The following SEMA3A variants were observed in gnomAD, a reference collection of about 807,000 sequenced individuals.
The protein encoded by SEMA3A is semaphorin-3A.
In SEMA3A, 29 loss-of-function variants were observed where a neutral mutation model predicts 97.9. The observed-to-expected ratio is 0.30, with a 90% CI of 0.22 to 0.40. The LOEUF (loss-of-function observed/expected upper bound fraction) is 0.40, where lower values mean the gene tolerates loss of function less well. Ranked by LOEUF, SEMA3A falls within the 10% of genes least tolerant of loss-of-function variation. The pLI, the probability that SEMA3A is intolerant of heterozygous loss-of-function variation, is 1.00. For synonymous variants in SEMA3A, 321 were observed against 323.7 expected (o/e 0.99, Z 0.09); for missense variants, 763 against 951.3 (o/e 0.80, Z 2.60).
chr7:83,982,397 TACA>T (rs1381388738), intron 13 of SEMA3A, among the ~76,000 whole-genome samples: 1 of 152,204 alleles, frequency 6.6e-6, no homozygotes, highest in Admixed American at 6.5e-5. Flanking sequence ...AGGATTTCAG[TACA>T]ACTTTTAAAA....
At position 84,071,911 on chromosome 7, in the gene SEMA3A, G is replaced by A. The variant is rs115240497; in HGVS notation, c.454-11353C>T. Among the ~76,000 whole-genome samples, 502 of 152,128 alleles carry A rather than the reference G, an allele frequency of 3.3e-3. 3 individuals are homozygous for A. The highest frequency in any genetic ancestry group is 0.011 in the African/African-American group (472 of 41,512). On this transcript the variant is annotated intron_variant, in intron 4 of 16. Coordinates refer to ENST00000265362, the MANE Select transcript of SEMA3A (RefSeq NM_006080.3). ...AGACTGTGGAAAAACTACATACAGG[G>A]AGTAGCAAAGACACATCCCAGGAAC...
intron 2 of SEMA3A, among the ~76,000 whole-genome samples, chr7:84,370,943 T>C (rs1349794258): frequency 3.3e-5 from 5 of 151,104 alleles, no homozygotes; most frequent in African/African-American, 1.2e-4. Flanking sequence ...GTTGAGTATC[T>C]AGTATACCAT....
intron 4 of SEMA3A, among the ~76,000 whole-genome samples, chr7:84,102,240 G>A (rs1794977539): frequency 6.6e-6 from 1 of 152,158 alleles, no homozygotes; most frequent in Non-Finnish European, 1.5e-5. Context: ...TGCTAATTTA[G>A]GATAAAAGTG....
intron 4 of SEMA3A, among the ~76,000 whole-genome samples, chr7:84,107,190 ATAG>A (rs1311850264): frequency 6.6e-6 from 1 of 152,164 alleles, no homozygotes; most frequent in Non-Finnish European, 1.5e-5. Context: ...TCTTCTCCCA[ATAG>A]TAGAAGTATA....
chr7:84,005,625 T>TAACA, intron 10 of SEMA3A, 67 bp from the exon 11 acceptor site: 2 of 1,086,152 alleles, frequency 1.8e-6, no homozygotes, highest in Non-Finnish European at 2.7e-6. Flanking sequence ...AATTATATAA[T>TAACA]AACACATGGC....
intron 3 of SEMA3A, 118 bp from the exon 4 acceptor site, chr7:84,110,707 G>A: frequency 9.3e-7 from 1 of 1,072,040 alleles, no homozygotes; most frequent in South Asian, 1.9e-5. Flanking sequence ...TTTTTTTTTT[G>A]GCATCCCTTT....
At chr7:84,428,782 T>C (rs992908065) in intron 1 of SEMA3A, among the ~76,000 whole-genome samples, 1 of 152,070 alleles carries the variant, frequency 6.6e-6, no homozygotes, top group East Asian at 1.9e-4. Flanking sequence ...ACTGTCCCTA[T>C]AAACAATTTA....
At chr7:84,325,117 C>CTCTATCTATCTA (rs60907885) in intron 2 of SEMA3A, among the ~76,000 whole-genome samples, 77 of 149,162 alleles carry the variant, frequency 5.2e-4, no homozygotes, top group East Asian at 1.0e-3. Context: ...ATGTATATAT[C>CTCTATCTATCTA]TCTATCTATC....
rs111843956 is a variant in SEMA3A, at chr7:84,259,458, A to G, written c.-83+47749T>C. 3.3e-5 allele frequency among the ~76,000 whole-genome samples: 5 copies of G among 152,238 alleles called. 1 individual carries two copies. The highest frequency in any genetic ancestry group is 1.2e-4 in the African/African-American group (5 of 41,556). Reference sequence around the variant, plus strand: ...CAGGTGGAAGTTATGTAAGATACATATATTTGTCCATGAGGTGTAGGGAAT... The same window carrying G: ...CAGGTGGAAGTTATGTAAGATACATGTATTTGTCCATGAGGTGTAGGGAAT... On this transcript the variant is annotated intron_variant, in intron 3 of 3. Coordinates refer to the SEMA3A transcript ENST00000424555.
At chr7:84,411,371 G>A (rs1259952504) in intron 1 of SEMA3A, among the ~76,000 whole-genome samples, 1 of 152,024 alleles carries the variant, frequency 6.6e-6, no homozygotes, top group Non-Finnish European at 1.5e-5. Context: ...TGTCAGCAGG[G>A]ATTTATCTCT....
At chr7:84,201,468 G>A (rs1421697922) in intron 3 of SEMA3A, among the ~76,000 whole-genome samples, 1 of 151,140 alleles carries the variant, frequency 6.6e-6, no homozygotes, top group Non-Finnish European at 1.5e-5. Flanking sequence ...ATTGTCTGAA[G>A]TGTAAAACAT....
intron 2 of SEMA3A, among the ~76,000 whole-genome samples, chr7:84,314,275 T>C (rs1032642370): frequency 1.3e-5 from 2 of 152,072 alleles, no homozygotes; most frequent in Non-Finnish European, 2.9e-5. Flanking sequence ...AAGGCAGAGA[T>C]TGTCATAATC....
chr7:84,334,009 T>C (rs17211840), intron 2 of SEMA3A, among the ~76,000 whole-genome samples: 21,900 of 152,104 alleles, frequency 0.14, 1,671 homozygotes, highest in South Asian at 0.18. Context: ...AAAGTAATAG[T>C]ATATATCCAT....
intron 1 of SEMA3A, among the ~76,000 whole-genome samples, chr7:84,174,539 A>C (rs568903732): frequency 1.3e-5 from 2 of 152,218 alleles, no homozygotes; most frequent in African/African-American, 4.8e-5. Flanking sequence ...ACGCATCCAC[A>C]AAAATCAGAA....
chr7:84,486,499 A>G (rs756213079), intron 1 of SEMA3A, among the ~76,000 whole-genome samples: 3 of 152,194 alleles, frequency 2.0e-5, no homozygotes, highest in Non-Finnish European at 4.4e-5. Flanking sequence ...GAAACATCAT[A>G]TATATGGCTT....
chr7:84,210,848 A>G (rs1798608441), intron 3 of SEMA3A, among the ~76,000 whole-genome samples: 1 of 152,214 alleles, frequency 6.6e-6, no homozygotes, highest in Non-Finnish European at 1.5e-5. Flanking sequence ...CAAGAACTTC[A>G]TAAAGCAATA....
chr7:84,210,443 C>A (rs936852579), intron 3 of SEMA3A, among the ~76,000 whole-genome samples: 1 of 151,880 alleles, frequency 6.6e-6, no homozygotes, highest in East Asian at 1.9e-4. Flanking sequence ...AATAGGAGAG[C>A]GTGTGTGAGT....
intron 1 of SEMA3A, among the ~76,000 whole-genome samples, chr7:84,446,636 A>G (rs1265112060): frequency 1.3e-5 from 2 of 152,232 alleles, no homozygotes; most frequent in African/African-American, 2.4e-5. Context: ...CACTCAGCAA[A>G]CTAAGAATAT....
chr7:84,431,925 C>T (rs906167704), intron 1 of SEMA3A, among the ~76,000 whole-genome samples: 5 of 151,800 alleles, frequency 3.3e-5, no homozygotes, highest in African/African-American at 9.6e-5. Flanking sequence ...GAAGAAAAAA[C>T]GACTTTCTCC....
Sources: allele counts gnomAD v4.1 joint callset (sites outside exome capture counted in the v4.1 genomes callset), GRCh38; gene constraint gnomAD v4.1.1; transcripts MANE v1.5; gene names NCBI Gene and HGNC (gene_info 2026-07-23, HGNC 2026-07-21).